Variants in SGMS1 observed in about 807,000 individuals in gnomAD.
SGMS1 encodes sphingomyelin synthase 1.
A neutral mutation model predicts 46.2 loss-of-function variants in SGMS1; 13 were observed. That is an observed-to-expected ratio of 0.28 (90% CI 0.18 to 0.45). The LOEUF (loss-of-function observed/expected upper bound fraction) is 0.45, where lower values mean the gene tolerates loss of function less well. Among genes scored for constraint, SGMS1 ranks in the 20% least tolerant of loss-of-function variants. SGMS1 has a pLI of 1.00. For missense variants in SGMS1, 324 were observed against 519.9 expected (o/e 0.62, Z 3.66); for synonymous variants, 203 against 187.8 (o/e 1.08, Z -0.66).
At chr10:50,545,829 G>A (rs1390951266) in intron 2 of SGMS1, among the ~76,000 whole-genome samples, 1 of 152,112 alleles carries the variant, frequency 6.6e-6, no homozygotes, top group Non-Finnish European at 1.5e-5. Flanking sequence ...TTTTCTCTTG[G>A]GGTATTTATG....
At chr10:50,408,135 G>T (rs901022924) in intron 6 of SGMS1, among the ~76,000 whole-genome samples, 2 of 152,148 alleles carry the variant, frequency 1.3e-5, no homozygotes, top group Non-Finnish European at 2.9e-5. Flanking sequence ...ATATTCGCAT[G>T]TGGCTAGTGC....
chr10:50,562,253 T>A (rs1838243147), intron 2 of SGMS1, among the ~76,000 whole-genome samples: 1 of 152,046 alleles, frequency 6.6e-6, no homozygotes, highest in Non-Finnish European at 1.5e-5. Context: ...AAAATGCAGA[T>A]TCCTGGCCTC....
upstream of SGMS1, chr10:50,624,272 G>C (rs1464988418): frequency 8.6e-6 from 3 of 349,614 alleles, no homozygotes; most frequent in African/African-American, 2.2e-5. Context: ...GGCCGGAGAC[G>C]GGAGCCGCTA....
At chr10:50,518,401 T>G (rs953217459) in intron 3 of SGMS1, among the ~76,000 whole-genome samples, 2 of 152,148 alleles carry the variant, frequency 1.3e-5, no homozygotes, top group African/African-American at 4.8e-5. Context: ...AAAACAAAGA[T>G]TAGCAATAAA....
intron 3 of SGMS1, among the ~76,000 whole-genome samples, chr10:50,519,102 A>T (rs1325519707): frequency 6.6e-6 from 1 of 152,188 alleles, no homozygotes; most frequent in Non-Finnish European, 1.5e-5. Flanking sequence ...AAAAAAATGC[A>T]AGCTGCAGAA....
intron 5 of SGMS1, among the ~76,000 whole-genome samples, chr10:50,449,005 A>G (rs969181002): frequency 6.6e-6 from 1 of 152,180 alleles, no homozygotes; most frequent in Non-Finnish European, 1.5e-5. Flanking sequence ...AGACAACATG[A>G]CATACCACTA....
intron 1 of SGMS1, among the ~76,000 whole-genome samples, chr10:50,594,697 G>A (rs1055911732): frequency 6.6e-6 from 1 of 152,138 alleles, no homozygotes; most frequent in Non-Finnish European, 1.5e-5. Flanking sequence ...TAGGAAAAAT[G>A]TGATAGCAAA....
At chr10:50,440,905 C>T (rs932156825) in intron 5 of SGMS1, among the ~76,000 whole-genome samples, 21 of 152,218 alleles carry the variant, frequency 1.4e-4, no homozygotes, top group African/African-American at 5.1e-4. Flanking sequence ...CCACCATGCC[C>T]AACCTAGGCT....
At chr10:50,559,904 C>T (rs1212527719) in intron 2 of SGMS1, among the ~76,000 whole-genome samples, 1 of 151,964 alleles carries the variant, frequency 6.6e-6, no homozygotes. Context: ...CTTCTTTATA[C>T]ACAGGAAAAG....
intron 6 of SGMS1, among the ~76,000 whole-genome samples, chr10:50,426,055 T>C (rs1849322225): frequency 6.6e-6 from 1 of 152,164 alleles, no homozygotes; most frequent in Admixed American, 6.5e-5. Context: ...TATCATAAAA[T>C]GGAGTGGTAT....
At chr10:50,538,079 G>A (rs1291859328) in intron 2 of SGMS1, among the ~76,000 whole-genome samples, 2 of 151,028 alleles carry the variant, frequency 1.3e-5, no homozygotes, top group African/African-American at 2.4e-5. Flanking sequence ...ACTCCAGCCT[G>A]GGCAACAGAG....
intron 2 of SGMS1, among the ~76,000 whole-genome samples, chr10:50,520,647 CA>C (rs1486602729): frequency 2.0e-5 from 3 of 152,142 alleles, no homozygotes; most frequent in Non-Finnish European, 4.4e-5. Context: ...CACCATATAA[CA>C]AAATAGTTTC....
At chr10:50,471,020 C>G (rs552685385) in intron 3 of SGMS1, among the ~76,000 whole-genome samples, 1 of 152,086 alleles carries the variant, frequency 6.6e-6, no homozygotes, top group Admixed American at 6.6e-5. Flanking sequence ...CATAAAAATT[C>G]CCAAGAAATA....
intron 5 of SGMS1, among the ~76,000 whole-genome samples, chr10:50,453,072 A>G (rs1837133026): frequency 6.6e-6 from 1 of 152,198 alleles, no homozygotes; most frequent in Non-Finnish European, 1.5e-5. Context: ...TTCCAAGGAA[A>G]ATGAGTTCAC....
chr10:50,540,236 A>G (rs1281623391), intron 2 of SGMS1, among the ~76,000 whole-genome samples: 1 of 152,228 alleles, frequency 6.6e-6, no homozygotes, highest in Non-Finnish European at 1.5e-5. Flanking sequence ...TTCATGCCAC[A>G]TGCCAATTCA....
intron 3 of SGMS1, among the ~76,000 whole-genome samples, chr10:50,518,779 A>G (rs982084272): frequency 6.6e-6 from 1 of 152,236 alleles, no homozygotes; most frequent in African/African-American, 2.4e-5. Context: ...CTTTCAAAAA[A>G]CAAAGAAGAA....
chr10:50,536,265 C>G (rs902337002), intron 2 of SGMS1, among the ~76,000 whole-genome samples: 1 of 151,960 alleles, frequency 6.6e-6, no homozygotes, highest in Non-Finnish European at 1.5e-5. Flanking sequence ...CCCAGGAGAT[C>G]AAGGCTGCAG....
At chr10:50,358,243 G>A (rs1477503568) in intron 6 of SGMS1, among the ~76,000 whole-genome samples, 3 of 152,142 alleles carry the variant, frequency 2.0e-5, no homozygotes, top group Non-Finnish European at 4.4e-5. Flanking sequence ...AAAATCTTGC[G>A]GACATGTAGC....
At chr10:50,524,922 C>G (rs1182233205) in intron 2 of SGMS1, among the ~76,000 whole-genome samples, 1 of 152,038 alleles carries the variant, frequency 6.6e-6, no homozygotes, top group Admixed American at 6.6e-5. Context: ...AAAAAGAGAC[C>G]TATAAACTAA....
Sources: allele counts gnomAD v4.1 joint callset (sites outside exome capture counted in the v4.1 genomes callset), GRCh38; gene constraint gnomAD v4.1.1; transcripts MANE v1.5; gene names NCBI Gene and HGNC (gene_info 2026-07-23, HGNC 2026-07-21).